Variants in HECTD2 observed in about 807,000 individuals in gnomAD.
The protein encoded by HECTD2 is probable E3 ubiquitin-protein ligase HECTD2.
HECTD2 carries 35 observed loss-of-function variants against 103.2 expected under a neutral mutation model. The ratio of observed to expected loss-of-function variants is 0.34; its 90% CI spans 0.26 to 0.45. HECTD2 has a LOEUF of 0.45. Ranked by LOEUF, HECTD2 falls within the 20% of genes least tolerant of loss-of-function variation. HECTD2 has a pLI of 1.00. For missense variants in HECTD2, 596 were observed against 937.4 expected (o/e 0.64, Z 4.76); for synonymous variants, 281 against 329.9 (o/e 0.85, Z 1.61).
At chr10:91,416,186 AAGT>A (rs1267907825) in intron 1 of HECTD2, among the ~76,000 whole-genome samples, 1 of 152,208 alleles carries the variant, frequency 6.6e-6, no homozygotes, top group Non-Finnish European at 1.5e-5. Context: ...ACCTCCAAAA[AAGT>A]CAAGTACGAT....
At chr10:91,454,158 T>C (rs1844965103) in intron 2 of HECTD2, among the ~76,000 whole-genome samples, 1 of 152,038 alleles carries the variant, frequency 6.6e-6, no homozygotes, top group African/African-American at 2.4e-5. Flanking sequence ...GAATATAGAA[T>C]ACCTCAGTGC....
intron 11 of HECTD2, among the ~76,000 whole-genome samples, chr10:91,490,708 G>A (rs113689362): frequency 0.019 from 2,867 of 151,146 alleles, 49 homozygotes; most frequent in Non-Finnish European, 0.029. Flanking sequence ...TGGCTAACAC[G>A]GTGAAACCCC....
chr10:91,449,824 T>C (rs998349992), intron 2 of HECTD2, among the ~76,000 whole-genome samples: 1 of 151,984 alleles, frequency 6.6e-6, no homozygotes, highest in African/African-American at 2.4e-5. Context: ...TTACAAAGTA[T>C]GTGAAGGACC....
At chr10:91,493,781 T>C (rs1338352657) in intron 14 of HECTD2, among the ~76,000 whole-genome samples, 2 of 152,008 alleles carry the variant, frequency 1.3e-5, no homozygotes, top group Non-Finnish European at 2.9e-5. Flanking sequence ...TTATCACTAA[T>C]TTAAGGCATT....
chr10:91,433,552 A>G (rs752094365), intron 2 of HECTD2, among the ~76,000 whole-genome samples: 6 of 152,000 alleles, frequency 3.9e-5, no homozygotes, highest in Non-Finnish European at 8.8e-5. Context: ...GTACATTTGT[A>G]TTGAAGTAAG....
intron 5 of HECTD2, chr10:91,462,972 T>A (rs970617606): frequency 1.9e-5 from 3 of 154,204 alleles, no homozygotes; most frequent in African/African-American, 7.2e-5. Flanking sequence ...TCATTTTTTT[T>A]ATCCTATTAT....
At chr10:91,462,921 G>C (rs1321159461) in intron 5 of HECTD2, 1 of 203,606 alleles carries the variant, frequency 4.9e-6, no homozygotes, top group African/African-American at 2.4e-5. Flanking sequence ...TTTCTGGATA[G>C]AGGTGTTACA....
In HECTD2 at chr10:91,410,544, C is replaced by T. The variant is rs1276917639; in HGVS notation, c.106C>T (p.Pro36Ser). 1 of 1,463,078 alleles carries T rather than the reference C, an allele frequency of 6.8e-7. No homozygotes were observed. The allele number at this position is 1,463,078 out of a possible 1,614,324, so 90.6% of individuals were successfully genotyped here. Reference protein sequence around the residue: ...GKESEREKLPPIVSAGAGATA... With the variant: ...GKESEREKLPSIVSAGAGATA... ...GGAGTCAGAGCGCGAGAAGCTGCCG[C>T]CCATCGTATCGGCGGGCGCCGGCGC... Residue 36 changes from proline (P) to serine (S), a missense_variant, in exon 1 of 21, where the codon CCC becomes TCC. Physicochemically the swap from Pro to Ser is moderately conservative, Grantham distance 74. Around this residue, in one of 4 missense-constraint regions of HECTD2, gnomAD observed 220 missense variants for 233.9 expected, o/e 0.94. Transcript: ENST00000298068.
chr10:91,498,195 G>T lies in HECTD2; in HGVS notation c.1755+13G>T. ...TTCAACATTTCAGGTACTATTAAGG[G>T]CAAGTAGTTATCTGTTAATCATATA... On this transcript the variant is annotated intron_variant, in intron 16 of 20. Transcript: ENST00000298068. The T allele has an allele frequency of 6.5e-7, 1 of 1,546,826 alleles. No individual in the cohort carries two copies. The highest frequency in any genetic ancestry group is 2.2e-5 in the East Asian group (1 of 44,454).
chr10:91,449,958 G>A (rs900178027), intron 2 of HECTD2, among the ~76,000 whole-genome samples: 2 of 152,112 alleles, frequency 1.3e-5, no homozygotes, highest in African/African-American at 2.4e-5. Flanking sequence ...ACTGCCCAAA[G>A]TAATTTATAG....
intron 20 of HECTD2, among the ~76,000 whole-genome samples, chr10:91,503,202 A>G (rs1846974791): frequency 6.6e-6 from 1 of 152,260 alleles, no homozygotes; most frequent in African/African-American, 2.4e-5. Flanking sequence ...AATCAAAACC[A>G]CAATGAGATA....
intron 1 of HECTD2, among the ~76,000 whole-genome samples, chr10:91,417,374 CT>C (rs150503265): frequency 0.015 from 2,322 of 150,512 alleles, 56 homozygotes; most frequent in African/African-American, 0.053. Flanking sequence ...TTACTTTTTT[CT>C]TTTTTTTTAT....
At chr10:91,494,302 C>T (rs1330109346) in intron 14 of HECTD2, among the ~76,000 whole-genome samples, 6 of 151,568 alleles carry the variant, frequency 4.0e-5, no homozygotes, top group Non-Finnish European at 7.4e-5. Context: ...GTATTTTTCC[C>T]AGAGAGGATA....
intron 1 of HECTD2, among the ~76,000 whole-genome samples, chr10:91,414,147 G>A (rs1843030053): frequency 6.6e-6 from 1 of 152,198 alleles, no homozygotes; most frequent in Non-Finnish European, 1.5e-5. Context: ...ACAGAAAAGA[G>A]AGGTTCTACA....
chr10:91,449,325 G>T (rs1246160853), intron 2 of HECTD2, among the ~76,000 whole-genome samples: 1 of 151,968 alleles, frequency 6.6e-6, no homozygotes, highest in Admixed American at 6.6e-5. Context: ...TGTATAAAAG[G>T]CCTCGATAAA....
At chr10:91,459,997 C>T (rs1456621214) in intron 2 of HECTD2, among the ~76,000 whole-genome samples, 1 of 152,108 alleles carries the variant, frequency 6.6e-6, no homozygotes, top group African/African-American at 2.4e-5. Context: ...AAATTGCCTA[C>T]TGGCATGCTT....
chr10:91,509,719 A>T (rs1847347516), intron 20 of HECTD2, among the ~76,000 whole-genome samples: 1 of 152,200 alleles, frequency 6.6e-6, no homozygotes, highest in Non-Finnish European at 1.5e-5. Context: ...AGTGGGAGCT[A>T]AATACTGAGT....
chr10:91,496,891 T>G (rs553676446), intron 15 of HECTD2, among the ~76,000 whole-genome samples: 1 of 151,778 alleles, frequency 6.6e-6, no homozygotes, highest in Non-Finnish European at 1.5e-5. Context: ...TTTTGAAATA[T>G]TGGATCAATT....
At chr10:91,508,394 AG>A (rs1847280715) in intron 20 of HECTD2, among the ~76,000 whole-genome samples, 1 of 151,086 alleles carries the variant, frequency 6.6e-6, no homozygotes, top group African/African-American at 2.4e-5. Context: ...GCTAATATCC[AG>A]AATCTACAAT....
Sources: gnomAD v4.1 joint callset for allele counts (sites outside exome capture counted in the v4.1 genomes callset) on GRCh38, gnomAD v4.1.1 for gene constraint, gnomAD v4.1.1 regional missense constraint, MANE v1.5 for transcripts, NCBI Gene and HGNC (gene_info 2026-07-23, HGNC 2026-07-21) for gene names.